Variants in PRICKLE2 observed in about 807,000 individuals in gnomAD.
PRICKLE2 encodes the protein prickle planar cell polarity protein 2.
Under a neutral mutation model 81.4 loss-of-function variants are expected in PRICKLE2, and 21 were observed. The observed-to-expected ratio is 0.26, with a 90% CI of 0.18 to 0.37. PRICKLE2 has a LOEUF of 0.37. PRICKLE2 is among the 10% of genes least tolerant of loss of function. The pLI, the probability that PRICKLE2 is intolerant of heterozygous loss-of-function variation, is 1.00. For synonymous variants in PRICKLE2, 456 were observed against 421.5 expected, an observed-to-expected ratio of 1.08 and a Z score of -1.00; for missense variants, 940 against 1,109.0, an observed-to-expected ratio of 0.85 and a Z score of 2.16.
At chr3:64,120,849 G>A (rs1321377684) in intron 7 of PRICKLE2, among the ~76,000 whole-genome samples, 2 of 152,170 alleles carry the variant, frequency 1.3e-5, no homozygotes, top group Non-Finnish European at 2.9e-5. Flanking sequence ...GAGAAAGCAC[G>A]GCTTTGCACT....
intron 2 of PRICKLE2, among the ~76,000 whole-genome samples, chr3:64,191,324 C>A (rs572891550): frequency 1.3e-5 from 2 of 152,220 alleles, no homozygotes; most frequent in Admixed American, 1.3e-4. Flanking sequence ...TACTATTTCA[C>A]AAGAAAGATG....
In PRICKLE2 at chr3:64,094,311, G is replaced by C. The variant is rs2076540097; in HGVS notation, c.*4740C>G. The C allele has an allele frequency of 6.6e-6, 1 of 152,212 alleles. No individual in the cohort carries two copies. The highest frequency in any genetic ancestry group is 6.5e-5 in the Admixed American group (1 of 15,288). The allele number at this position is 152,212 out of a possible 1,614,324, so 9.4% of individuals were successfully genotyped here. A position where few individuals can be genotyped will look rare whatever the true frequency, so the allele number is the denominator to read the frequency against. On this transcript the variant is annotated 3_prime_UTR_variant, in exon 8 of 8. Transcript: ENST00000638394. ...AATCAACTAGGTAGGTTTAAGAACA[G>C]ACCTTACTGGTAAGTAACTCTCTCT...
At chr3:64,258,887 A>AAGAAAGAAAG (rs2079573572) in intron 2 of PRICKLE2, among the ~76,000 whole-genome samples, 1 of 150,934 alleles carries the variant, frequency 6.6e-6, no homozygotes, top group African/African-American at 2.4e-5. Context: ...GAAAGAAAGA[A>AAGAAAGAAAG]AGAAAGAAAT....
intron 1 of PRICKLE2, among the ~76,000 whole-genome samples, chr3:64,221,157 C>A (rs2078945582): frequency 6.6e-6 from 1 of 152,086 alleles, no homozygotes; most frequent in South Asian, 2.1e-4. Context: ...CTGATATTCT[C>A]CCAGCTGCTT....
At chr3:64,119,585 G>A (rs772622824) in intron 7 of PRICKLE2, among the ~76,000 whole-genome samples, 1 of 152,148 alleles carries the variant, frequency 6.6e-6, no homozygotes, top group Non-Finnish European at 1.5e-5. Context: ...GTGGAGAAAA[G>A]AGAACACTTA....
At chr3:64,245,793 G>A (rs979456481) in intron 2 of PRICKLE2, among the ~76,000 whole-genome samples, 1 of 152,164 alleles carries the variant, frequency 6.6e-6, no homozygotes, top group Non-Finnish European at 1.5e-5. Flanking sequence ...AGAGCTTTTA[G>A]GTTTAAAAGA....
chr3:64,214,408 A>G (rs1296884641), intron 1 of PRICKLE2, among the ~76,000 whole-genome samples: 4 of 152,336 alleles, frequency 2.6e-5, no homozygotes, highest in East Asian at 1.9e-4. Flanking sequence ...AGGGAAAGAC[A>G]TTATTTTCAG....
chr3:64,245,661 T>C (rs1461513262), intron 2 of PRICKLE2, among the ~76,000 whole-genome samples: 1 of 152,080 alleles, frequency 6.6e-6, no homozygotes, highest in African/African-American at 2.4e-5. Context: ...CAGAGAGGCA[T>C]GGGGGAGGAT....
chr3:64,133,097 C>G (rs1416505298), intron 7 of PRICKLE2, among the ~76,000 whole-genome samples: 1 of 152,132 alleles, frequency 6.6e-6, no homozygotes, highest in Non-Finnish European at 1.5e-5. Flanking sequence ...GTGCTTCATC[C>G]AGTATTGCCA....
Position 64,207,058 on chromosome 3 carries a change from C to A in PRICKLE2, c.-40-8091G>T, listed in dbSNP as rs114286820. Reference sequence around the variant, plus strand: ...GGGACTAAAGGCACATGCCACAATGCCCAGCTAATTTTTGTATTTGTTGTA... The same window carrying A: ...GGGACTAAAGGCACATGCCACAATGACCAGCTAATTTTTGTATTTGTTGTA... On this transcript the variant is annotated intron_variant, in intron 1 of 7. Transcript: ENST00000638394. Among the ~76,000 whole-genome samples, 1,166 of 152,170 alleles carry A rather than the reference C, an allele frequency of 7.7e-3. 17 individuals are homozygous for A. Among genetic ancestry groups the A allele is most frequent in the African/African-American group, 0.026 (1,099 of 41,524 alleles).
At chr3:64,175,396 A>G (rs2078005986) in intron 2 of PRICKLE2, among the ~76,000 whole-genome samples, 1 of 152,188 alleles carries the variant, frequency 6.6e-6, no homozygotes, top group Non-Finnish European at 1.5e-5. Flanking sequence ...GTTTCTACAG[A>G]ACACTAGTTC....
intron 2 of PRICKLE2, among the ~76,000 whole-genome samples, chr3:64,257,159 C>A (rs1027304582): frequency 2.0e-5 from 3 of 152,218 alleles, no homozygotes; most frequent in Non-Finnish European, 2.9e-5. Context: ...GCAGTTGAAG[C>A]ATGAGTTTCA....
intron 4 of PRICKLE2, 82 bp from the exon 5 acceptor site, chr3:64,157,447 A>G (rs767470295): frequency 2.2e-5 from 30 of 1,381,654 alleles, no homozygotes; most frequent in Non-Finnish European, 2.9e-5. Flanking sequence ...GACAACCACC[A>G]TTAGCTGGCT....
chr3:64,193,234 G>A (rs182945771), intron 2 of PRICKLE2, among the ~76,000 whole-genome samples: 7 of 152,286 alleles, frequency 4.6e-5, no homozygotes, highest in African/African-American at 1.4e-4. Context: ...CAGCTCCATG[G>A]TGCTCAATGA....
In PRICKLE2 at chr3:64,109,539, C is replaced by T. The variant is rs1230789125; in HGVS notation, c.1661-9614G>A. On this transcript the variant is annotated intron_variant, in intron 7 of 7. Transcript: ENST00000638394. ...TAGTCTAAGGAATGATTTCCTCTGC[C>T]AGCTGCACTGGGGAAGGGAAAGGGA... is the stretch of plus-strand genomic sequence containing the variant. 2.0e-5 allele frequency among the ~76,000 whole-genome samples: 3 copies of T among 152,016 alleles called. No individual in the cohort carries two copies. In the East Asian group the frequency reaches 5.8e-4, roughly 30 times the overall value.
In PRICKLE2 at chr3:64,214,180, T is replaced by G. The variant is rs116266583; in HGVS notation, c.-41+10730A>C. Among the ~76,000 whole-genome samples, 775 of 152,274 alleles carry G rather than the reference T, an allele frequency of 5.1e-3. 12 individuals are homozygous for G. Among genetic ancestry groups the G allele is most frequent in the African/African-American group, 0.018 (730 of 41,546 alleles). On this transcript the variant is annotated intron_variant, in intron 1 of 7. Transcript: ENST00000638394. ...GCTTGGCTTGTGGTGATTCTGGCAA[T>G]GGTCACACCCTTCAAAACTTGACAG...
At chr3:64,203,680 GAA>G (rs1313113394) in intron 1 of PRICKLE2, among the ~76,000 whole-genome samples, 1 of 152,024 alleles carries the variant, frequency 6.6e-6, no homozygotes, top group Non-Finnish European at 1.5e-5. Flanking sequence ...AGGATAAACA[GAA>G]AAGAGACGAT....
chr3:64,093,716 A>G lies in PRICKLE2; in HGVS notation c.*5335T>C, dbSNP rs1351972142. On this transcript the variant is annotated 3_prime_UTR_variant, in exon 8 of 8. Coordinates refer to ENST00000638394, the MANE Select transcript of PRICKLE2 (RefSeq NM_198859.4). Reference sequence around the variant, plus strand: ...CAAGACGTCAATATTGCTGAGGCTTAGAAACCCTGATTTAAACAATCAGGT... The same window carrying G: ...CAAGACGTCAATATTGCTGAGGCTTGGAAACCCTGATTTAAACAATCAGGT... 6.6e-6 allele frequency: 1 copy of G among 152,194 alleles called. No homozygotes were observed. Among genetic ancestry groups the G allele is most frequent in the Non-Finnish European group, 1.5e-5 (1 of 68,040 alleles). The allele number at this position is 152,194 out of a possible 1,614,324, so 9.4% of individuals were successfully genotyped here.
intron 1 of PRICKLE2, among the ~76,000 whole-genome samples, chr3:64,213,387 CT>C (rs1212621012): frequency 6.6e-6 from 1 of 152,164 alleles, no homozygotes; most frequent in African/African-American, 2.4e-5. Flanking sequence ...CCATGACTTT[CT>C]TTTCATACCA....
Sources: allele counts gnomAD v4.1 joint callset (sites outside exome capture counted in the v4.1 genomes callset), GRCh38; gene constraint gnomAD v4.1.1; transcripts MANE v1.5; gene names NCBI Gene and HGNC (gene_info 2026-07-23, HGNC 2026-07-21).